FBXO42: variants seen among roughly 807,000 people sequenced by gnomAD.
FBXO42 encodes F-box only protein 42.
A neutral mutation model predicts 71.7 loss-of-function variants in FBXO42; 12 were observed. The ratio of observed to expected loss-of-function variants is 0.17; its 90% CI spans 0.11 to 0.27. The LOEUF (loss-of-function observed/expected upper bound fraction) is 0.27, where lower values mean the gene tolerates loss of function less well. Among genes scored for constraint, FBXO42 ranks in the 10% least tolerant of loss-of-function variants. The pLI is 1.00. For missense variants in FBXO42, 707 were observed against 911.9 expected (o/e 0.78, Z 2.89); for synonymous variants, 325 against 327.5 (o/e 0.99, Z 0.08).
At chr1:16,342,396 C>CAAAAA (rs34993864) in intron 1 of FBXO42, among the ~76,000 whole-genome samples, 1 of 77,818 alleles carries the variant, frequency 1.3e-5, no homozygotes, top group African/African-American at 5.3e-5. Flanking sequence ...AACTCTGTCT[C>CAAAAA]AAAAAAAAAA....
chr1:16,285,195 A>T (rs973239041), intron 4 of FBXO42, among the ~76,000 whole-genome samples: 1 of 151,498 alleles, frequency 6.6e-6, no homozygotes, highest in African/African-American at 2.4e-5. Context: ...TTCTACATCT[A>T]CCTCCACTTA....
intron 4 of FBXO42, among the ~76,000 whole-genome samples, chr1:16,271,323 C>A (rs979578669): frequency 1.3e-5 from 2 of 150,170 alleles, no homozygotes; most frequent in Non-Finnish European, 3.0e-5. Context: ...CTCTGTTGCC[C>A]AGGCTGGAGT....
intron 4 of FBXO42, among the ~76,000 whole-genome samples, chr1:16,285,994 C>T (rs2082017973): frequency 6.6e-6 from 1 of 152,126 alleles, no homozygotes; most frequent in Non-Finnish European, 1.5e-5. Flanking sequence ...CACCCCTGCC[C>T]GCCTGCATCA....
intron 4 of FBXO42, among the ~76,000 whole-genome samples, chr1:16,272,155 A>C (rs1294936319): frequency 8.7e-5 from 10 of 114,508 alleles, no homozygotes; most frequent in South Asian, 5.9e-4. Context: ...ACTCCGTCCC[A>C]AAAAAAAAAA....
At chr1:16,275,761 C>T (rs2081893520) in intron 4 of FBXO42, among the ~76,000 whole-genome samples, 1 of 152,300 alleles carries the variant, frequency 6.6e-6, no homozygotes, top group East Asian at 1.9e-4. Context: ...GTAATCCCAG[C>T]GCTTTAGGAC....
At chr1:16,267,324 T>A (rs1484592056) in intron 4 of FBXO42, among the ~76,000 whole-genome samples, 1 of 152,154 alleles carries the variant, frequency 6.6e-6, no homozygotes, top group Admixed American at 6.6e-5. Flanking sequence ...AAATACAAAG[T>A]TACAGAACCT....
intron 3 of FBXO42, among the ~76,000 whole-genome samples, chr1:16,298,879 T>C (rs1375958678): frequency 6.6e-6 from 1 of 152,146 alleles, no homozygotes; most frequent in African/African-American, 2.4e-5. Flanking sequence ...AAATCCATGA[T>C]TTCATAACTA....
intron 4 of FBXO42, among the ~76,000 whole-genome samples, chr1:16,260,278 G>A (rs896096025): frequency 6.8e-6 from 1 of 148,018 alleles, no homozygotes; most frequent in Non-Finnish European, 1.5e-5. Flanking sequence ...GCACGATCTC[G>A]GCTCACTGCA....
At chr1:16,253,542 T>C in intron 7 of FBXO42, 93 bp downstream of exon 7, 1 of 1,069,282 alleles carries the variant, frequency 9.4e-7, no homozygotes, top group Non-Finnish European at 1.4e-6. Flanking sequence ...GCTTAGTGCA[T>C]ATTGGCATCT....
intron 2 of FBXO42, among the ~76,000 whole-genome samples, chr1:16,307,564 G>C (rs2082264982): frequency 6.6e-6 from 1 of 151,654 alleles, no homozygotes; most frequent in Non-Finnish European, 1.5e-5. Context: ...GAGAGGAATT[G>C]ATTATGGAAT....
At chr1:16,281,591 C>T (rs2081964650) in intron 4 of FBXO42, among the ~76,000 whole-genome samples, 1 of 151,184 alleles carries the variant, frequency 6.6e-6, no homozygotes, top group Admixed American at 6.6e-5. Context: ...GCCTCGGACT[C>T]TTGAGTAGCT....
chr1:16,317,643 G>A (rs1194122671), intron 1 of FBXO42, among the ~76,000 whole-genome samples: 1 of 151,866 alleles, frequency 6.6e-6, no homozygotes, highest in Non-Finnish European at 1.5e-5. Context: ...CAGAAGAATG[G>A]GCAGGCACAG....
chr1:16,276,706 A>T (rs763709610), intron 4 of FBXO42, among the ~76,000 whole-genome samples: 6 of 152,254 alleles, frequency 3.9e-5, no homozygotes, highest in Non-Finnish European at 5.9e-5. Flanking sequence ...TGGTAATAAA[A>T]CATGAAGTAC....
intron 1 of FBXO42, among the ~76,000 whole-genome samples, chr1:16,327,804 C>T (rs1305853950): frequency 2.0e-5 from 3 of 152,098 alleles, no homozygotes; most frequent in Admixed American, 6.6e-5. Context: ...CAGGTTCAAG[C>T]GATTCTCTCA....
At chr1:16,290,562 C>T (rs1389801051) in intron 4 of FBXO42, among the ~76,000 whole-genome samples, 4 of 152,020 alleles carry the variant, frequency 2.6e-5, no homozygotes, top group East Asian at 1.9e-4. Context: ...CATGGTGGCA[C>T]ACACCTATAA....
intron 1 of FBXO42, among the ~76,000 whole-genome samples, chr1:16,343,087 A>C (rs1430478256): frequency 2.0e-5 from 3 of 152,222 alleles, no homozygotes. Context: ...TATTCTTTAC[A>C]GAAACACAAA....
At chr1:16,322,447 A>G (rs1366766659) in intron 1 of FBXO42, among the ~76,000 whole-genome samples, 1 of 152,142 alleles carries the variant, frequency 6.6e-6, no homozygotes, top group Non-Finnish European at 1.5e-5. Context: ...GTGCAGGCGC[A>G]TGCCTGTAAT....
At chr1:16,296,516 GGC>G in intron 3 of FBXO42, among the ~76,000 whole-genome samples, 2 of 151,850 alleles carry the variant, frequency 1.3e-5, no homozygotes, top group Admixed American at 6.6e-5. Flanking sequence ...CAGGCGTGGT[GGC>G]GCATGCCTGT....
At chr1:16,310,778 A>ATTAT (rs907928578) in intron 2 of FBXO42, among the ~76,000 whole-genome samples, 6 of 151,776 alleles carry the variant, frequency 4.0e-5, no homozygotes, top group East Asian at 3.9e-4. Context: ...TAAATTAAAT[A>ATTAT]TTATTTATTT....
Sources: allele counts gnomAD v4.1 joint callset (sites outside exome capture counted in the v4.1 genomes callset), GRCh38; gene constraint gnomAD v4.1.1; transcripts MANE v1.5; gene names NCBI Gene and HGNC (gene_info 2026-07-23, HGNC 2026-07-21).